The following CACNA2D3 variants were observed in gnomAD, a reference collection of about 807,000 sequenced individuals.
CACNA2D3 encodes voltage-dependent calcium channel subunit alpha-2/delta-3.
CACNA2D3 carries 60 observed loss-of-function variants against 160.6 expected under a neutral mutation model. That is an observed-to-expected ratio of 0.37 (90% CI 0.30 to 0.46). The LOEUF (loss-of-function observed/expected upper bound fraction) is 0.46. Among genes scored for constraint, CACNA2D3 ranks in the 20% least tolerant of loss-of-function variants. The pLI, the probability that CACNA2D3 is intolerant of heterozygous loss-of-function variation, is 1.00. For missense variants in CACNA2D3, 1,205 were observed against 1,365.0 expected, an observed-to-expected ratio of 0.88 and a Z score of 1.85; for synonymous variants, 558 against 492.9, an observed-to-expected ratio of 1.13 and a Z score of -1.75.
intron 13 of CACNA2D3, among the ~76,000 whole-genome samples, chr3:54,807,326 A>G (rs1457703706): frequency 6.6e-6 from 1 of 152,234 alleles, no homozygotes; most frequent in Non-Finnish European, 1.5e-5. Context: ...GCTAATATCC[A>G]GAATCTACAA....
intron 9 of CACNA2D3, among the ~76,000 whole-genome samples, chr3:54,590,890 G>A (rs7649455): frequency 0.033 from 4,954 of 152,224 alleles, 195 homozygotes; most frequent in East Asian, 0.19. Context: ...ATGCATGTTA[G>A]GTTGCTTTAG....
rs549707885 is a variant in CACNA2D3 at position 54,890,019 on chromosome 3, C to T, written c.2151-1336C>T. ...GAAATGCATTGTTTTGGTTTTTATT[C>T]AGCCCTTAAATACTTAAAGGTAGCA... On this transcript the variant is annotated intron_variant, in intron 24 of 37. Coordinates refer to ENST00000474759, the MANE Select transcript of CACNA2D3 (RefSeq NM_018398.3). 2.0e-5 allele frequency among the ~76,000 whole-genome samples: 3 copies of T among 152,298 alleles called. No individual in the cohort carries two copies. The East Asian group carries it at 5.8e-4, about 29-fold the overall frequency.
intron 11 of CACNA2D3, among the ~76,000 whole-genome samples, chr3:54,691,246 G>T (rs1439279502): frequency 2.0e-5 from 3 of 152,212 alleles, no homozygotes; most frequent in Non-Finnish European, 2.9e-5. Flanking sequence ...CATGGAAATA[G>T]CCTTTCTCTT....
chr3:54,263,661 G>A (rs1186716926), intron 2 of CACNA2D3, among the ~76,000 whole-genome samples: 1 of 152,208 alleles, frequency 6.6e-6, no homozygotes, highest in Non-Finnish European at 1.5e-5. Context: ...GGGCTGGTTT[G>A]TGGGTTTCTC....
chr3:54,643,149 G>A (rs981039951), intron 11 of CACNA2D3, among the ~76,000 whole-genome samples: 8 of 152,142 alleles, frequency 5.3e-5, no homozygotes, highest in African/African-American at 1.9e-4. Context: ...ACACGAGTCA[G>A]TCCAGGCCAA....
chr3:54,614,609 G>A (rs670335), intron 9 of CACNA2D3, among the ~76,000 whole-genome samples: 68,823 of 152,004 alleles, frequency 0.45, 17,010 homozygotes, highest in East Asian at 0.68. Context: ...CATTCCCCAG[G>A]TGTATGCTCA....
chr3:54,854,011 G>A (rs1004044339), intron 17 of CACNA2D3, among the ~76,000 whole-genome samples: 2 of 152,110 alleles, frequency 1.3e-5, no homozygotes, highest in African/African-American at 4.8e-5. Flanking sequence ...GGTGGCGCGC[G>A]GGCACCGCCG....
At chr3:55,033,972 A>G (rs1268757763) in intron 35 of CACNA2D3, among the ~76,000 whole-genome samples, 2 of 148,418 alleles carry the variant, frequency 1.3e-5, no homozygotes, top group African/African-American at 2.5e-5. Flanking sequence ...CATTTAATCC[A>G]GATTGGACTT....
At chr3:54,548,406 G>A (rs184502635) in intron 5 of CACNA2D3, among the ~76,000 whole-genome samples, 1 of 152,294 alleles carries the variant, frequency 6.6e-6, no homozygotes, top group East Asian at 1.9e-4. Context: ...TGACATAGGA[G>A]GGAGGAGCCT....
chr3:54,433,692 G>A (rs1472025619), intron 4 of CACNA2D3, among the ~76,000 whole-genome samples: 1 of 152,144 alleles, frequency 6.6e-6, no homozygotes, highest in Non-Finnish European at 1.5e-5. Flanking sequence ...CATGGCTGTG[G>A]GTCCTCTGAG....
intron 27 of CACNA2D3, among the ~76,000 whole-genome samples, chr3:54,900,526 C>T (rs1244603524): frequency 1.3e-5 from 2 of 152,156 alleles, no homozygotes; most frequent in East Asian, 3.9e-4. Context: ...TACCAAAAAG[C>T]CCTCTTTGAA....
intron 13 of CACNA2D3, among the ~76,000 whole-genome samples, chr3:54,785,434 C>T (rs1032743127): frequency 1.3e-5 from 2 of 152,034 alleles, no homozygotes; most frequent in African/African-American, 4.8e-5. Flanking sequence ...ATGTGCATGT[C>T]TTATTATTTC....
At chr3:54,168,060 T>A (rs1424737272) in intron 2 of CACNA2D3, among the ~76,000 whole-genome samples, 1 of 152,230 alleles carries the variant, frequency 6.6e-6, no homozygotes, top group Non-Finnish European at 1.5e-5. Context: ...TATTTTTGTC[T>A]ACATTTTTCT....
chr3:54,255,330 T>G (rs559333141), intron 2 of CACNA2D3, among the ~76,000 whole-genome samples: 2 of 152,318 alleles, frequency 1.3e-5, no homozygotes, highest in South Asian at 4.1e-4. Flanking sequence ...AGGGGGACAG[T>G]AATGATCCTG....
At chr3:54,805,417 C>T (rs373614191) in intron 13 of CACNA2D3, among the ~76,000 whole-genome samples, 1 of 152,022 alleles carries the variant, frequency 6.6e-6, no homozygotes, top group Admixed American at 6.6e-5. Flanking sequence ...GAGAATACTA[C>T]AAACACCTCT....
At chr3:54,124,967 A>G (rs1699559594) in intron 2 of CACNA2D3, among the ~76,000 whole-genome samples, 1 of 152,220 alleles carries the variant, frequency 6.6e-6, no homozygotes, top group African/African-American at 2.4e-5. Flanking sequence ...ATCTGGACCA[A>G]TCTGTCTCCT....
intron 4 of CACNA2D3, among the ~76,000 whole-genome samples, chr3:54,459,443 G>C (rs1304676684): frequency 6.7e-6 from 1 of 148,242 alleles, no homozygotes; most frequent in African/African-American, 2.5e-5. Flanking sequence ...GTTGTTTCCT[G>C]ACTTTTTAAT....
intron 2 of CACNA2D3, among the ~76,000 whole-genome samples, chr3:54,233,768 G>T (rs1241301561): frequency 6.6e-6 from 1 of 152,172 alleles, no homozygotes; most frequent in Non-Finnish European, 1.5e-5. Context: ...GGATCCTTAA[G>T]CGTGGAGGGT....
rs189310272 is a variant in CACNA2D3 at position 54,657,918 on chromosome 3, A to G, written c.1167+15677A>G. Among the ~76,000 whole-genome samples, 366 of 152,260 alleles carry G rather than the reference A, an allele frequency of 2.4e-3. 1 individual carries two copies. The highest frequency in any genetic ancestry group is 4.2e-3 in the Admixed American group (64 of 15,302). ...GTGGCACATGCCTGTAATCCCAGCTACTCAGGAGACTCAAGCGGGAGACTG... is the reference window on the plus strand; with the variant it reads ...GTGGCACATGCCTGTAATCCCAGCTGCTCAGGAGACTCAAGCGGGAGACTG... On this transcript the variant is annotated intron_variant, in intron 11 of 37. Coordinates refer to ENST00000474759, the MANE Select transcript of CACNA2D3 (RefSeq NM_018398.3).
Sources: gnomAD v4.1 joint callset for allele counts (sites outside exome capture counted in the v4.1 genomes callset) on GRCh38, gnomAD v4.1.1 for gene constraint, MANE v1.5 for transcripts, NCBI Gene and HGNC (gene_info 2026-07-23, HGNC 2026-07-21) for gene names.